Variants in NELL2 observed in about 807,000 individuals in gnomAD.
NELL2 encodes the protein protein kinase C-binding protein NELL2.
Under a neutral mutation model 109.6 loss-of-function variants are expected in NELL2, and 41 were observed. The observed-to-expected ratio is 0.37, with a 90% CI of 0.29 to 0.49. The LOEUF (loss-of-function observed/expected upper bound fraction) is 0.49. Among genes scored for constraint, NELL2 ranks in the 20% least tolerant of loss-of-function variants. The pLI is 0.98. For missense variants in NELL2, 900 were observed against 1,008.3 expected, an observed-to-expected ratio of 0.89 and a Z score of 1.45; for synonymous variants, 355 against 344.7, an observed-to-expected ratio of 1.03 and a Z score of -0.33.
chr12:44,611,091 T>C lies in NELL2; in HGVS notation c.1445-121A>G, dbSNP rs1945606877. ...TTTCAACCACAGACATAACAAATTA[T>C]AAATTATAGAAGAGCTCAGATTTTG... is the stretch of plus-strand genomic sequence containing the variant. On this transcript the variant is annotated intron_variant, in intron 13 of 19. Transcript: ENST00000429094. 6 of 952,450 alleles carry C rather than the reference T, an allele frequency of 6.3e-6. No homozygotes were observed. The Middle Eastern group carries it at 9.6e-4, about 152-fold the overall frequency. 59.0% of individuals were successfully genotyped at this position (952,450 alleles called of 1,614,324 possible).
intron 11 of NELL2, among the ~76,000 whole-genome samples, chr12:44,708,520 A>G (rs1938014715): frequency 6.6e-6 from 1 of 152,196 alleles, no homozygotes; most frequent in Admixed American, 6.5e-5. Flanking sequence ...ATTTTATCAC[A>G]AATGAATTTG....
At chr12:44,789,352 C>G (rs1321695538) in intron 3 of NELL2, among the ~76,000 whole-genome samples, 1 of 152,138 alleles carries the variant, frequency 6.6e-6, no homozygotes, top group East Asian at 1.9e-4. Context: ...GGTAGACTTG[C>G]TGGGTGGCTA....
intron 9 of NELL2, among the ~76,000 whole-genome samples, chr12:44,745,396 AG>A (rs1172254742): frequency 6.6e-6 from 1 of 152,170 alleles, no homozygotes; most frequent in African/African-American, 2.4e-5. Context: ...GGCACAAGAC[AG>A]GGATGCCCTC....
chr12:44,775,801 T>C (rs937201881), intron 8 of NELL2, among the ~76,000 whole-genome samples: 4 of 152,228 alleles, frequency 2.6e-5, no homozygotes, highest in Admixed American at 6.5e-5. Flanking sequence ...CCAATAAACT[T>C]AAACTTTATA....
chr12:44,695,937 T>C (rs936938587), intron 12 of NELL2, among the ~76,000 whole-genome samples: 6 of 151,584 alleles, frequency 4.0e-5, no homozygotes, highest in African/African-American at 1.5e-4. Flanking sequence ...TGAGGCATGA[T>C]TGCACCACTG....
At chr12:44,660,465 G>A (rs1947700548) in intron 13 of NELL2, among the ~76,000 whole-genome samples, 1 of 152,110 alleles carries the variant, frequency 6.6e-6, no homozygotes, top group African/African-American at 2.4e-5. Context: ...TAATATTACA[G>A]GATGTTTAGT....
intron 15 of NELL2, among the ~76,000 whole-genome samples, chr12:44,569,334 C>T (rs1190689964): frequency 3.3e-5 from 5 of 151,984 alleles, no homozygotes; most frequent in African/African-American, 9.7e-5. Context: ...AATAGTGCTG[C>T]GATTAACATA....
At chr12:44,638,255 T>G (rs1946722448) in intron 13 of NELL2, among the ~76,000 whole-genome samples, 1 of 152,148 alleles carries the variant, frequency 6.6e-6, no homozygotes. Flanking sequence ...TTCCTTTGAC[T>G]TCTTGTGTAC....
Position 44,875,284 on chromosome 12 carries a change from G to T in NELL2, c.125C>A (p.Thr42Lys). Residue 42 changes from threonine to lysine, a missense_variant, in exon 2 of 20, where the codon ACG becomes AAG. Thr to Lys is a moderately conservative substitution (Grantham distance 78). Around this residue, in one of 4 missense-constraint regions of NELL2, gnomAD observed 200 missense variants for 191.8 expected, o/e 1.04. Coordinates refer to ENST00000429094, the MANE Select transcript of NELL2 (RefSeq NM_001145108.2). ...CCCCGGGACCTGACGCACTCCGGTC[G>T]TGGACTCCCCAAGTTCTAACTCTGT... The part of the protein sequence containing the change: ...VLTELELGES[T>K]TGVRQVPGLH... The T allele has an allele frequency of 1.9e-6, 3 of 1,614,102 alleles. No homozygotes were observed. The highest frequency in any genetic ancestry group is 2.5e-6 in the Non-Finnish European group (3 of 1,180,030).
intron 1 of NELL2, among the ~76,000 whole-genome samples, chr12:44,900,595 T>C (rs1219060105): frequency 1.3e-5 from 2 of 151,986 alleles, no homozygotes; most frequent in Non-Finnish European, 2.9e-5. Context: ...CCAGAATATC[T>C]GGGACACAGC....
chr12:44,543,843 ACTC>A (rs1160931803), intron 15 of NELL2, among the ~76,000 whole-genome samples: 1 of 151,620 alleles, frequency 6.6e-6, no homozygotes, highest in Non-Finnish European at 1.5e-5. Flanking sequence ...CACTTTCCCA[ACTC>A]CTCCCTCATT....
At chr12:44,632,832 T>C (rs989589093) in intron 13 of NELL2, among the ~76,000 whole-genome samples, 3 of 152,144 alleles carry the variant, frequency 2.0e-5, no homozygotes, top group Non-Finnish European at 4.4e-5. Flanking sequence ...CATTAATTTC[T>C]TTTGCTCCAA....
At chr12:44,918,943 A>G (rs1161284466), upstream of NELL2, among the ~76,000 whole-genome samples, 1 of 152,202 alleles carries the variant, frequency 6.6e-6, no homozygotes, top group African/African-American at 2.4e-5. Flanking sequence ...ATATGATCAC[A>G]TGACCCTGAA....
In NELL2 at chr12:44,818,738, T is replaced by A. The variant is rs1402658295; in HGVS notation, c.185-2602A>T. 3.6e-5 allele frequency among the ~76,000 whole-genome samples: 3 copies of A among 82,576 alleles called. No homozygotes were observed. In the East Asian group the frequency reaches 1.8e-3, roughly 49 times the overall value. The allele number at this position is 82,576 out of a possible 152,430, so 54.2% of individuals were successfully genotyped here. Reference sequence around the variant, plus strand: ...TTTTGTTCACTTATTTTTTTTTTTTTATTTTTTTTTTTTTTGAGACGGAGT... The same window carrying A: ...TTTTGTTCACTTATTTTTTTTTTTTAATTTTTTTTTTTTTTGAGACGGAGT... On this transcript the variant is annotated intron_variant, in intron 2 of 19. Coordinates refer to ENST00000429094, the MANE Select transcript of NELL2 (RefSeq NM_001145108.2).
intron 15 of NELL2, among the ~76,000 whole-genome samples, chr12:44,554,315 T>A (rs1029202169): frequency 1.3e-5 from 2 of 152,064 alleles, no homozygotes; most frequent in Non-Finnish European, 2.9e-5. Flanking sequence ...ATATTAGAGA[T>A]CATGGTGAGA....
chr12:44,695,580 C>T lies in NELL2; in HGVS notation c.1318+8146G>A, dbSNP rs562842284. On this transcript the variant is annotated intron_variant, in intron 12 of 19. Transcript: ENST00000429094. ...GGCATGATGGCACAGTGAGACCCTG[C>T]CTCTAAAAAATTAATTAAAAGTGGT... Among the ~76,000 whole-genome samples, 31 of 152,034 alleles carry T rather than the reference C, an allele frequency of 2.0e-4. No individual in the cohort carries two copies. The East Asian group carries it at 3.3e-3, about 16-fold the overall frequency.
intron 9 of NELL2, among the ~76,000 whole-genome samples, chr12:44,747,622 C>T (rs1294202633): frequency 2.0e-5 from 3 of 152,072 alleles, no homozygotes; most frequent in Non-Finnish European, 4.4e-5. Context: ...CAGGGTTCAG[C>T]ATCCCTGACC....
chr12:44,738,499 T>G (rs901910486), intron 9 of NELL2, among the ~76,000 whole-genome samples: 1 of 150,616 alleles, frequency 6.6e-6, no homozygotes, highest in South Asian at 2.1e-4. Flanking sequence ...AAGAAAATCC[T>G]GTTTGAGACA....
intron 13 of NELL2, among the ~76,000 whole-genome samples, chr12:44,615,557 C>G (rs185570832): frequency 2.6e-5 from 4 of 152,182 alleles, no homozygotes; most frequent in Admixed American, 2.6e-4. Flanking sequence ...AAAATTCAGG[C>G]TATTGATTGC....
Sources: allele counts gnomAD v4.1 joint callset (sites outside exome capture counted in the v4.1 genomes callset), GRCh38; gene constraint gnomAD v4.1.1; regional missense constraint gnomAD v4.1.1; transcripts MANE v1.5; gene names NCBI Gene and HGNC (gene_info 2026-07-23, HGNC 2026-07-21).